The following CDA variants were observed in gnomAD, a reference collection of about 807,000 sequenced individuals.
The protein encoded by CDA is cytidine aminohydrolase.
In CDA, 7 loss-of-function variants were observed where a neutral mutation model predicts 15.0. That is an observed-to-expected ratio of 0.47 (90% CI 0.26 to 0.87). The LOEUF is 0.87. CDA is among the 40% of genes least tolerant of loss of function. The probability of loss-of-function intolerance (pLI) is 0.15; values close to 1 mark genes in which losing one functional copy is unlikely to be tolerated. For synonymous variants in CDA, 58 were observed against 73.0 expected (o/e 0.79, Z 1.05); for missense variants, 159 against 182.7 (o/e 0.87, Z 0.75).
intron 1 of CDA, among the ~76,000 whole-genome samples, chr1:20,597,803 G>T (rs2052603638): frequency 6.6e-6 from 1 of 152,020 alleles, no homozygotes; most frequent in Non-Finnish European, 1.5e-5. Flanking sequence ...AAGACAGCCT[G>T]CTTTCTGGGC....
intron 3 of CDA, among the ~76,000 whole-genome samples, chr1:20,616,197 CG>C (rs1384163946): frequency 6.6e-6 from 1 of 152,190 alleles, no homozygotes; most frequent in African/African-American, 2.4e-5. Context: ...GTGCTCCTCA[CG>C]GCTGCCTCTC....
In CDA at chr1:20,605,583, C is replaced by G; in HGVS notation, c.266+544C>G. On this transcript the variant is annotated intron_variant, in intron 2 of 3. Coordinates refer to ENST00000375071, the MANE Select transcript of CDA (RefSeq NM_001785.3). ...GCTGAGGCAGGAGAATGGTGTGAACCTGGGAGGCAGAGCTTGCAGTGAGCC... is the reference window on the plus strand; with the variant it reads ...GCTGAGGCAGGAGAATGGTGTGAACGTGGGAGGCAGAGCTTGCAGTGAGCC... Among the ~76,000 whole-genome samples, 2 of 121,926 alleles carry G rather than the reference C, an allele frequency of 1.6e-5. 1 individual carries two copies. Among genetic ancestry groups the G allele is most frequent in the Non-Finnish European group, 3.6e-5 (2 of 55,254 alleles). 80.0% of individuals were successfully genotyped at this position (121,926 alleles called of 152,430 possible). A position where few individuals can be genotyped will look rare whatever the true frequency, so the allele number is the denominator to read the frequency against.
At chr1:20,594,276 C>T (rs2052572675) in intron 1 of CDA, among the ~76,000 whole-genome samples, 1 of 152,152 alleles carries the variant, frequency 6.6e-6, no homozygotes, top group African/African-American at 2.4e-5. Flanking sequence ...GCCTTGTGCC[C>T]CTCACAGATG....
chr1:20,612,355 G>C (rs2052759444), intron 2 of CDA, among the ~76,000 whole-genome samples: 1 of 152,036 alleles, frequency 6.6e-6, no homozygotes, highest in Non-Finnish European at 1.5e-5. Flanking sequence ...CATCCAGATG[G>C]CCTGGAGCAA....
chr1:20,608,557 C>T (rs149138636), intron 2 of CDA, among the ~76,000 whole-genome samples: 35 of 152,160 alleles, frequency 2.3e-4, no homozygotes, highest in African/African-American at 7.5e-4. Flanking sequence ...CTACAGGTGC[C>T]GGCCAGCACG....
chr1:20,615,595 G>T (rs924972218), intron 3 of CDA, among the ~76,000 whole-genome samples: 1 of 152,028 alleles, frequency 6.6e-6, no homozygotes, highest in African/African-American at 2.4e-5. Flanking sequence ...TGGGGAAAGG[G>T]GAATGTCAGT....
chr1:20,591,597 C>T lies in CDA; in HGVS notation c.154+2314C>T, dbSNP rs945693903. Among the ~76,000 whole-genome samples, 18 of 152,122 alleles carry T rather than the reference C, an allele frequency of 1.2e-4. 1 individual carries two copies. Among genetic ancestry groups the T allele is most frequent in the African/African-American group, 1.7e-4 (7 of 41,412 alleles). On this transcript the variant is annotated intron_variant, in intron 1 of 3. Transcript: ENST00000375071. ...ATTGCATAGGTGATGACTGAAGGCT[C>T]GAGCCTCATCCAGTGGAAGGAAGGA... is the stretch of plus-strand genomic sequence containing the variant.
At chr1:20,601,642 C>T (rs1021586661) in intron 1 of CDA, among the ~76,000 whole-genome samples, 1 of 152,218 alleles carries the variant, frequency 6.6e-6, no homozygotes, top group African/African-American at 2.4e-5. Flanking sequence ...CATCCGTCAA[C>T]TCTGGACATG....
At position 20,609,485 on chromosome 1, in the gene CDA, C is replaced by CA. The variant is rs954795435; in HGVS notation, c.267-4346dup. On this transcript the variant is annotated intron_variant, in intron 2 of 3. Transcript: ENST00000375071. Reference sequence around the variant, plus strand: ...TGGGCGACAGAGCGAGACTCCGTCTCAAAAAAAAAAAGATTCAGAAAGGAA... The same window carrying CA: ...TGGGCGACAGAGCGAGACTCCGTCTCAAAAAAAAAAAAGATTCAGAAAGGAA... Among the ~76,000 whole-genome samples the CA allele has an allele frequency of 3.1e-3, 442 of 143,466 alleles. 3 individuals carry two copies. The highest frequency in any genetic ancestry group is 0.01 in the African/African-American group (407 of 39,140). 94.1% of individuals were successfully genotyped at this position (143,466 alleles called of 152,430 possible).
chr1:20,594,516 G>A (rs1014878435), intron 1 of CDA, among the ~76,000 whole-genome samples: 7 of 151,840 alleles, frequency 4.6e-5, no homozygotes, highest in African/African-American at 7.3e-5. Context: ...GGCCAGGCGC[G>A]GTGGCTCATG....
intron 1 of CDA, among the ~76,000 whole-genome samples, chr1:20,600,945 C>G (rs1329382213): frequency 6.6e-5 from 10 of 152,086 alleles, no homozygotes; most frequent in Admixed American, 6.5e-4. Context: ...TTTAAATAAA[C>G]AAAAGCTCTC....
chr1:20,595,468 G>T (rs992751897), intron 1 of CDA, among the ~76,000 whole-genome samples: 3 of 151,970 alleles, frequency 2.0e-5, no homozygotes, highest in Non-Finnish European at 4.4e-5. Flanking sequence ...TGGACCCCAG[G>T]CCCCATCCCC....
At chr1:20,591,358 A>C (rs995732060) in intron 1 of CDA, among the ~76,000 whole-genome samples, 17 of 152,136 alleles carry the variant, frequency 1.1e-4, no homozygotes, top group African/African-American at 2.7e-4. Flanking sequence ...AACAAACAAA[A>C]AAAAACAAAC....
chr1:20,597,254 CT>C, intron 1 of CDA, among the ~76,000 whole-genome samples: 1 of 152,274 alleles, frequency 6.6e-6, no homozygotes, highest in South Asian at 2.1e-4. Context: ...CAAGACCATC[CT>C]GGCTAACATG....
chr1:20,591,641 A>C (rs1056342061), intron 1 of CDA, among the ~76,000 whole-genome samples: 3 of 152,116 alleles, frequency 2.0e-5, no homozygotes, highest in African/African-American at 7.2e-5. Context: ...GATAAACAGG[A>C]CTGTGGCCCA....
chr1:20,599,595 C>T (rs183710393), intron 1 of CDA, among the ~76,000 whole-genome samples: 125 of 57,600 alleles, frequency 2.2e-3, no homozygotes, highest in African/African-American at 7.3e-3. Context: ...CCAGCCTGGG[C>T]GACAGAGCAA....
chr1:20,609,353 G>T (rs895595915), intron 2 of CDA, among the ~76,000 whole-genome samples: 1 of 152,198 alleles, frequency 6.6e-6, no homozygotes, highest in Non-Finnish European at 1.5e-5. Context: ...AGGCGTGGTG[G>T]CGGGCACCTG....
intron 2 of CDA, among the ~76,000 whole-genome samples, chr1:20,613,581 G>A (rs1331702591): frequency 6.6e-6 from 1 of 152,168 alleles, no homozygotes; most frequent in East Asian, 1.9e-4. Context: ...TGTATTCCCG[G>A]GTGTGGGTGA....
intron 2 of CDA, among the ~76,000 whole-genome samples, chr1:20,612,998 GACACCAGGC>G: frequency 6.7e-6 from 1 of 149,804 alleles, no homozygotes; most frequent in Non-Finnish European, 1.5e-5. Context: ...AGACGTGCGT[GACACCAGGC>G]TGCTCTGAGA....
Sources: allele counts gnomAD v4.1 joint callset (sites outside exome capture counted in the v4.1 genomes callset), GRCh38; gene constraint gnomAD v4.1.1; transcripts MANE v1.5; gene names NCBI Gene and HGNC (gene_info 2026-07-23, HGNC 2026-07-21).